Variants in PTPRD observed in about 807,000 individuals in gnomAD.
PTPRD encodes protein tyrosine phosphatase receptor type D.
In PTPRD, 34 loss-of-function variants were observed where a neutral mutation model predicts 214.5. The observed-to-expected ratio is 0.16, with a 90% CI of 0.12 to 0.21. The LOEUF (loss-of-function observed/expected upper bound fraction) is 0.21. Ranked by LOEUF, PTPRD falls within the 10% of genes least tolerant of loss-of-function variation. The probability of loss-of-function intolerance (pLI) is 1.00; values close to 1 mark genes in which losing one functional copy is unlikely to be tolerated. For missense variants in PTPRD, 2,545 were observed against 2,398.7 expected (o/e 1.06, Z -1.27); for synonymous variants, 1,128 against 845.7 (o/e 1.33, Z -5.79).
intron 9 of PTPRD, among the ~76,000 whole-genome samples, chr9:9,344,111 A>G (rs954516885): frequency 3.9e-5 from 6 of 152,164 alleles, no homozygotes; most frequent in African/African-American, 1.4e-4. Context: ...ATTTTGTTAC[A>G]TTGGCATCAG....
Position 9,956,280 on chromosome 9 carries a change from T to TAA in PTPRD, c.-471-17672_-471-17671dup, listed in dbSNP as rs202114228. Among the ~76,000 whole-genome samples the TAA allele has an allele frequency of 3.2e-3, 402 of 127,600 alleles. 1 individual carries two copies. Among genetic ancestry groups the TAA allele is most frequent in the African/African-American group, 0.01 (345 of 34,002 alleles). 83.7% of individuals were successfully genotyped at this position (127,600 alleles called of 152,430 possible). On this transcript the variant is annotated intron_variant, in intron 4 of 45. Coordinates refer to ENST00000381196, the MANE Select transcript of PTPRD (RefSeq NM_002839.4). ...CCTCAGCCCTGATTAAAGTCAAACTTAAAAAAAAAAAAAAAAACTCTACCA... is the reference window on the plus strand; with the variant it reads ...CCTCAGCCCTGATTAAAGTCAAACTTAAAAAAAAAAAAAAAAAAACTCTACCA...
At chr9:9,131,994 GT>G (rs2099843473) in intron 10 of PTPRD, among the ~76,000 whole-genome samples, 1 of 151,810 alleles carries the variant, frequency 6.6e-6, no homozygotes, top group South Asian at 2.1e-4. Context: ...AGGGCCACTA[GT>G]TTTTTGTTTG....
At chr9:9,525,090 C>G (rs944743500) in intron 8 of PTPRD, among the ~76,000 whole-genome samples, 1 of 152,096 alleles carries the variant, frequency 6.6e-6, no homozygotes, top group Non-Finnish European at 1.5e-5. Context: ...ATCTCTTGAC[C>G]TCATGATCCA....
intron 11 of PTPRD, among the ~76,000 whole-genome samples, chr9:8,758,819 G>A (rs10124623): frequency 0.048 from 7,190 of 150,706 alleles, 431 homozygotes; most frequent in African/African-American, 0.14. Context: ...GTGCAATGGC[G>A]CGATGACAGG....
At chr9:9,790,222 A>C (rs1174590) in intron 5 of PTPRD, among the ~76,000 whole-genome samples, 1 of 151,976 alleles carries the variant, frequency 6.6e-6, no homozygotes, top group Non-Finnish European at 1.5e-5. Flanking sequence ...TGTTTTCTTG[A>C]TGTATTGTCT....
intron 10 of PTPRD, among the ~76,000 whole-genome samples, chr9:9,068,103 T>G (rs1302715449): frequency 1.3e-5 from 2 of 152,194 alleles, no homozygotes; most frequent in Admixed American, 1.3e-4. Flanking sequence ...TTTTTAGATT[T>G]TTTTCTCTCT....
chr9:10,410,619 C>A (rs1445939555), intron 2 of PTPRD, among the ~76,000 whole-genome samples: 1 of 151,386 alleles, frequency 6.6e-6, no homozygotes, highest in Non-Finnish European at 1.5e-5. Context: ...ATTTAAATAA[C>A]TGAAAAAAAG....
At chr9:8,911,418 TGTG>T (rs1228500303) in intron 11 of PTPRD, among the ~76,000 whole-genome samples, 44 of 147,204 alleles carry the variant, frequency 3.0e-4, no homozygotes, top group East Asian at 2.2e-3. Context: ...GTGTGTGTTG[TGTG>T]TGTGTGTGTG....
chr9:8,929,747 A>C (rs7870237), intron 11 of PTPRD, among the ~76,000 whole-genome samples: 1 of 61,704 alleles, frequency 1.6e-5, no homozygotes, highest in Non-Finnish European at 3.2e-5. Flanking sequence ...ATATATGTGT[A>C]TATATATATG....
chr9:9,839,317 CA>C (rs2057697097), intron 5 of PTPRD, among the ~76,000 whole-genome samples: 1 of 151,980 alleles, frequency 6.6e-6, no homozygotes, highest in Non-Finnish European at 1.5e-5. Context: ...TGTCTCAGCC[CA>C]AAATCTCCTT....
chr9:9,014,188 TTTG>T (rs796862977), intron 11 of PTPRD, among the ~76,000 whole-genome samples: 4 of 59,252 alleles, frequency 6.8e-5, no homozygotes, highest in African/African-American at 2.8e-4. Context: ...TTTTTTTTTG[TTTG>T]TTTGTTTGTT....
At chr9:9,108,142 T>C (rs1000954688) in intron 10 of PTPRD, among the ~76,000 whole-genome samples, 14 of 152,296 alleles carry the variant, frequency 9.2e-5, no homozygotes, top group Admixed American at 4.6e-4. Flanking sequence ...TGCAGCATCA[T>C]AGTTTTCTTA....
At chr9:9,144,823 T>C (rs1384515311) in intron 10 of PTPRD, among the ~76,000 whole-genome samples, 1 of 152,004 alleles carries the variant, frequency 6.6e-6, no homozygotes, top group African/African-American at 2.4e-5. Flanking sequence ...AACAAAATCT[T>C]TAATGGCAAT....
chr9:10,481,146 G>T (rs1026665810), intron 2 of PTPRD, among the ~76,000 whole-genome samples: 83 of 152,016 alleles, frequency 5.5e-4, no homozygotes, highest in African/African-American at 1.9e-3. Flanking sequence ...AAATAATGTG[G>T]TGCCTGTAAT....
intron 11 of PTPRD, among the ~76,000 whole-genome samples, chr9:8,818,144 A>C (rs1006137835): frequency 2.0e-5 from 3 of 152,196 alleles, no homozygotes; most frequent in Non-Finnish European, 2.9e-5. Context: ...TTTAATTTCT[A>C]GGTGTTTGAT....
rs554789057 is a variant in PTPRD at position 9,439,143 on chromosome 9, C to T, written c.-236-41661G>A. On this transcript the variant is annotated intron_variant, in intron 8 of 45. Coordinates refer to ENST00000381196, the MANE Select transcript of PTPRD (RefSeq NM_002839.4). ...ATTAAAATATATATGGCTTATATGA[C>T]TCCAGAGCAGAAAACAGTTTAAAAA... is the stretch of plus-strand genomic sequence containing the variant. Among the ~76,000 whole-genome samples the T allele has an allele frequency of 2.0e-5, 3 of 152,044 alleles. No individual in the cohort carries two copies. In the East Asian group the frequency reaches 5.8e-4, roughly 29 times the overall value.
chr9:9,352,440 T>C (rs2051766156), intron 9 of PTPRD, among the ~76,000 whole-genome samples: 1 of 151,468 alleles, frequency 6.6e-6, no homozygotes, highest in Non-Finnish European at 1.5e-5. Context: ...ATATTTAATA[T>C]CTAAGGCAAA....
rs1567408147 is a variant in PTPRD, at chr9:10,060,900, CT to C, written c.-544-27111del. On this transcript the variant is annotated intron_variant, in intron 3 of 45. Coordinates refer to ENST00000381196, the MANE Select transcript of PTPRD (RefSeq NM_002839.4). ...TCCTTCCTTCCTTCCTTCCTTCCTT[CT>C]TTCTTTCTTTCTTTCTTTCTTTCTT... Among the ~76,000 whole-genome samples, 43 of 37,346 alleles carry C rather than the reference CT, an allele frequency of 1.2e-3. 4 individuals carry two copies. The highest frequency in any genetic ancestry group is 9.5e-3 in the African/African-American group (39 of 4,094). 24.5% of individuals were successfully genotyped at this position (37,346 alleles called of 152,430 possible).
At chr9:9,515,051 G>C (rs2096800726) in intron 8 of PTPRD, among the ~76,000 whole-genome samples, 1 of 151,898 alleles carries the variant, frequency 6.6e-6, no homozygotes, top group South Asian at 2.1e-4. Flanking sequence ...TTATATGTTG[G>C]GTAGCAAAAG....
Sources: allele counts gnomAD v4.1 joint callset (sites outside exome capture counted in the v4.1 genomes callset), GRCh38; gene constraint gnomAD v4.1.1; transcripts MANE v1.5; gene names NCBI Gene and HGNC (gene_info 2026-07-23, HGNC 2026-07-21).